The following DMRT1 variants were observed in gnomAD, a reference collection of about 807,000 sequenced individuals.
The protein encoded by DMRT1 is doublesex- and mab-3-related transcription factor 1.
In DMRT1, 7 loss-of-function variants were observed where a neutral mutation model predicts 32.3. The ratio of observed to expected loss-of-function variants is 0.22; its 90% CI spans 0.12 to 0.41. DMRT1 has a LOEUF of 0.41. DMRT1 is among the 10% of genes least tolerant of loss of function. DMRT1 has a pLI of 1.00. For missense variants in DMRT1, 625 were observed against 500.5 expected (o/e 1.25, Z -2.37); for synonymous variants, 278 against 206.1 (o/e 1.35, Z -2.99).
intron 4 of DMRT1, among the ~76,000 whole-genome samples, chr9:941,446 A>G (rs757910808): frequency 6.6e-6 from 1 of 152,060 alleles, no homozygotes; most frequent in Non-Finnish European, 1.5e-5. Flanking sequence ...CAAGAAGACA[A>G]ATACTGTATG....
chr9:919,827 C>T (rs1398845774), intron 4 of DMRT1, among the ~76,000 whole-genome samples: 1 of 151,942 alleles, frequency 6.6e-6, no homozygotes, highest in Non-Finnish European at 1.5e-5. Flanking sequence ...GACGGGTGGT[C>T]GAATTCTGGA....
intron 2 of DMRT1, among the ~76,000 whole-genome samples, chr9:855,392 C>A (rs1316876028): frequency 1.3e-5 from 2 of 152,174 alleles, no homozygotes; most frequent in African/African-American, 2.4e-5. Flanking sequence ...TTGTGAAAAT[C>A]TAATCTTTAA....
At chr9:895,631 G>C (rs984707975) in intron 3 of DMRT1, among the ~76,000 whole-genome samples, 1 of 152,062 alleles carries the variant, frequency 6.6e-6, no homozygotes, top group African/African-American at 2.4e-5. Context: ...CCACAATTAA[G>C]CTAATTAACA....
chr9:851,942 T>G lies in DMRT1; in HGVS notation c.538+4799T>G, dbSNP rs1346516792. 6.7e-5 allele frequency among the ~76,000 whole-genome samples: 6 copies of G among 89,814 alleles called. No homozygotes were observed. The East Asian group carries it at 9.2e-4, about 14-fold the overall frequency. The allele number at this position is 89,814 out of a possible 152,430, so 58.9% of individuals were successfully genotyped here. A position where few individuals can be genotyped will look rare whatever the true frequency, so the allele number is the denominator to read the frequency against. ...ATCAGTTGTTAGCAGGTACACTTTT[T>G]TTTTGTTTTTTTTTTTTGAGACAGT... On this transcript the variant is annotated intron_variant, in intron 2 of 4. Transcript: ENST00000382276.
chr9:858,996 A>G (rs1424967345), intron 2 of DMRT1, among the ~76,000 whole-genome samples: 1 of 152,082 alleles, frequency 6.6e-6, no homozygotes, highest in Non-Finnish European at 1.5e-5. Context: ...CTTCCCAGAC[A>G]GAAACTCTGT....
intron 2 of DMRT1, among the ~76,000 whole-genome samples, chr9:862,836 T>A (rs982864253): frequency 5.3e-5 from 8 of 152,066 alleles, no homozygotes; most frequent in Admixed American, 2.0e-4. Context: ...GTTATGTACA[T>A]CAGCGTGGTC....
At chr9:879,549 G>A (rs1313010597) in intron 2 of DMRT1, among the ~76,000 whole-genome samples, 1 of 152,176 alleles carries the variant, frequency 6.6e-6, no homozygotes, top group Non-Finnish European at 1.5e-5. Context: ...AGTTAGAAGA[G>A]GGGTAGAAGT....
intron 2 of DMRT1, among the ~76,000 whole-genome samples, chr9:867,027 G>C (rs1022885283): frequency 6.6e-6 from 1 of 152,100 alleles, no homozygotes; most frequent in Non-Finnish European, 1.5e-5. Flanking sequence ...GAATCCAGGG[G>C]AAGGGCAACA....
intron 2 of DMRT1, among the ~76,000 whole-genome samples, chr9:856,812 A>G (rs10114012): frequency 0.064 from 9,764 of 152,248 alleles, 934 homozygotes; most frequent in African/African-American, 0.21. Context: ...AGGAACTGCC[A>G]CACTTTTCCA....
chr9:881,877 G>GGTGT (rs1248432887), intron 2 of DMRT1, among the ~76,000 whole-genome samples: 2 of 152,204 alleles, frequency 1.3e-5, no homozygotes, highest in African/African-American at 2.4e-5. Context: ...TCCGCTGGGA[G>GGTGT]GTGTTGATAG....
intron 2 of DMRT1, among the ~76,000 whole-genome samples, chr9:851,346 C>G (rs1017719102): frequency 6.6e-6 from 1 of 152,140 alleles, no homozygotes; most frequent in African/African-American, 2.4e-5. Context: ...TCAGACGATT[C>G]TCTCACCTCA....
intron 4 of DMRT1, among the ~76,000 whole-genome samples, chr9:948,257 GTGTGC>G (rs1297906987): frequency 6.6e-6 from 1 of 152,128 alleles, no homozygotes; most frequent in African/African-American, 2.4e-5. Flanking sequence ...TCTGTTGAAA[GTGTGC>G]TTTAATGAAC....
chr9:878,856 G>A (rs1816617670), intron 2 of DMRT1, among the ~76,000 whole-genome samples: 2 of 152,162 alleles, frequency 1.3e-5, no homozygotes, highest in African/African-American at 4.8e-5. Flanking sequence ...TTTGCTACGT[G>A]CAAAGGCTGG....
intron 4 of DMRT1, among the ~76,000 whole-genome samples, chr9:923,559 C>A (rs942334114): frequency 1.3e-5 from 2 of 152,210 alleles, no homozygotes; most frequent in Non-Finnish European, 2.9e-5. Flanking sequence ...GTTATCATGA[C>A]TTTCCCCCAT....
chr9:923,001 T>C (rs1818404380), intron 4 of DMRT1, among the ~76,000 whole-genome samples: 1 of 152,146 alleles, frequency 6.6e-6, no homozygotes, highest in Non-Finnish European at 1.5e-5. Flanking sequence ...AATACAACTT[T>C]TCGAATCCAT....
chr9:852,809 C>A (rs1398594964), intron 2 of DMRT1, among the ~76,000 whole-genome samples: 1 of 152,222 alleles, frequency 6.6e-6, no homozygotes. Flanking sequence ...GTTTCAGTCA[C>A]CTTTCCCCTG....
In DMRT1 at chr9:965,335, A is replaced by G. The variant is rs1203069716; in HGVS notation, c.968-2650A>G. ...TTTGAGTGGAGAAACACTATAAACA[A>G]TACGGCTGTTTTTCAAAACAGGGTG... is the stretch of plus-strand genomic sequence containing the variant. On this transcript the variant is annotated intron_variant, in intron 4 of 4. Coordinates refer to ENST00000382276, the MANE Select transcript of DMRT1 (RefSeq NM_021951.3). The surrounding 1 kb of genome is among the most constrained non-coding windows in gnomAD (Gnocchi z 4.5). Among the ~76,000 whole-genome samples the G allele has an allele frequency of 6.6e-6, 1 of 152,216 alleles. No individual in the cohort carries two copies. Among genetic ancestry groups the G allele is most frequent in the African/African-American group, 2.4e-5 (1 of 41,458 alleles).
At chr9:962,909 T>C (rs1819820682) in intron 4 of DMRT1, among the ~76,000 whole-genome samples, 1 of 152,116 alleles carries the variant, frequency 6.6e-6, no homozygotes, top group South Asian at 2.1e-4. Context: ...CCCGGGCCAG[T>C]GCTCCCCCAA....
intron 2 of DMRT1, among the ~76,000 whole-genome samples, chr9:870,878 AT>A (rs1564211484): frequency 2.0e-5 from 3 of 151,074 alleles, no homozygotes; most frequent in Admixed American, 1.3e-4. Flanking sequence ...AGTGTGGCTA[AT>A]TTTTTTTGTG....
Sources: gnomAD v4.1 joint callset for allele counts (sites outside exome capture counted in the v4.1 genomes callset) on GRCh38, gnomAD v4.1.1 for gene constraint, Gnocchi (gnomAD v3.1) non-coding constraint, MANE v1.5 for transcripts, NCBI Gene and HGNC (gene_info 2026-07-23, HGNC 2026-07-21) for gene names.